The following NTNG1 variants were observed in gnomAD, a reference collection of about 807,000 sequenced individuals.
NTNG1 encodes the protein netrin G1.
In NTNG1, 16 loss-of-function variants were observed where a neutral mutation model predicts 54.0. The observed-to-expected ratio is 0.30, with a 90% CI of 0.20 to 0.45. The LOEUF is 0.45. Among genes scored for constraint, NTNG1 ranks in the 20% least tolerant of loss-of-function variants. The probability of loss-of-function intolerance (pLI) is 1.00; values close to 1 mark genes in which losing one functional copy is unlikely to be tolerated. For synonymous variants in NTNG1, 255 were observed against 263.1 expected, an observed-to-expected ratio of 0.97 and a Z score of 0.30; for missense variants, 530 against 678.7, an observed-to-expected ratio of 0.78 and a Z score of 2.43.
chr1:107,424,536 G>T (rs1229602998), intron 5 of NTNG1, among the ~76,000 whole-genome samples: 1 of 152,130 alleles, frequency 6.6e-6, no homozygotes. Flanking sequence ...GAGGCCAGAA[G>T]AACAGTTTGG....
At chr1:107,296,685 T>C (rs1665960701) in intron 2 of NTNG1, among the ~76,000 whole-genome samples, 1 of 147,974 alleles carries the variant, frequency 6.8e-6, no homozygotes, top group African/African-American at 2.5e-5. Flanking sequence ...TTATACATTA[T>C]ATATACTAAT....
At chr1:107,412,580 A>G (rs1673894077) in intron 5 of NTNG1, among the ~76,000 whole-genome samples, 1 of 152,146 alleles carries the variant, frequency 6.6e-6, no homozygotes, top group Non-Finnish European at 1.5e-5. Context: ...TGTGCCTTAG[A>G]AGACCTGTTG....
intron 2 of NTNG1, among the ~76,000 whole-genome samples, chr1:107,309,384 G>A (rs1196523089): frequency 6.6e-6 from 1 of 152,164 alleles, no homozygotes; most frequent in Non-Finnish European, 1.5e-5. Context: ...AGTGACTCAT[G>A]CAGCAGATAC....
chr1:107,145,437 T>C lies in NTNG1; in HGVS notation c.-525-2632T>C, dbSNP rs1570698278. Among the ~76,000 whole-genome samples the C allele has an allele frequency of 2.6e-5, 4 of 152,006 alleles. No individual in the cohort carries two copies. In the Middle Eastern group the frequency reaches 0.014, roughly 521 times the overall value. On this transcript the variant is annotated intron_variant, in intron 1 of 7. Transcript: ENST00000370068. ...CCCTGAAATGCAGGATACATAACAA[T>C]AGTACAAATATAAAAATTAGAATGA...
At chr1:107,455,979 C>T (rs1279312969) in intron 7 of NTNG1, among the ~76,000 whole-genome samples, 2 of 152,202 alleles carry the variant, frequency 1.3e-5, no homozygotes, top group Non-Finnish European at 2.9e-5. Context: ...AGAGGTGCCA[C>T]GAAATAATCC....
At chr1:107,334,362 A>G (rs1668454249) in intron 3 of NTNG1, among the ~76,000 whole-genome samples, 1 of 151,956 alleles carries the variant, frequency 6.6e-6, no homozygotes, top group African/African-American at 2.4e-5. Context: ...TGCTAACAGA[A>G]TATCAGGGAA....
At chr1:107,446,052 C>A (rs1676288549) in intron 7 of NTNG1, among the ~76,000 whole-genome samples, 2 of 151,936 alleles carry the variant, frequency 1.3e-5, no homozygotes, top group South Asian at 4.2e-4. Flanking sequence ...AAACAGAGGA[C>A]CAGTTAAATA....
chr1:107,430,115 C>G (rs1235882501), intron 5 of NTNG1, among the ~76,000 whole-genome samples: 1 of 152,104 alleles, frequency 6.6e-6, no homozygotes, highest in African/African-American at 2.4e-5. Flanking sequence ...TTTTTGTCTT[C>G]TCTCACACAT....
At chr1:107,202,136 A>G (rs1052715017) in intron 2 of NTNG1, among the ~76,000 whole-genome samples, 1 of 151,144 alleles carries the variant, frequency 6.6e-6, no homozygotes, top group Non-Finnish European at 1.5e-5. Context: ...TTGCCTTTTC[A>G]TGTAATTTTG....
intron 2 of NTNG1, among the ~76,000 whole-genome samples, chr1:107,157,672 G>T (rs75400763): frequency 7.9e-5 from 12 of 152,036 alleles, no homozygotes; most frequent in African/African-American, 2.9e-4. Context: ...TTTTAAAGAT[G>T]CATTTATTGA....
intron 2 of NTNG1, among the ~76,000 whole-genome samples, chr1:107,318,223 G>A (rs4463701): frequency 0.036 from 5,422 of 152,076 alleles, 307 homozygotes; most frequent in African/African-American, 0.12. Flanking sequence ...GACCTGTCCC[G>A]CCTGGGACAT....
intron 2 of NTNG1, among the ~76,000 whole-genome samples, chr1:107,293,004 C>T (rs1468759167): frequency 1.3e-5 from 2 of 152,126 alleles, no homozygotes; most frequent in African/African-American, 4.8e-5. Flanking sequence ...TGAATTCTTT[C>T]TTCTAAGGAA....
intron 7 of NTNG1, among the ~76,000 whole-genome samples, chr1:107,472,171 A>C (rs965746630): frequency 6.6e-6 from 1 of 152,152 alleles, no homozygotes; most frequent in South Asian, 2.1e-4. Context: ...GTATGAGGGA[A>C]AAAACTATCC....
At chr1:107,356,695 T>C (rs1669955408) in intron 3 of NTNG1, among the ~76,000 whole-genome samples, 2 of 152,074 alleles carry the variant, frequency 1.3e-5, no homozygotes, top group African/African-American at 4.8e-5. Flanking sequence ...AAACGTATTG[T>C]ATCCTTTGGG....
At chr1:107,333,570 G>A (rs374784541) in intron 3 of NTNG1, among the ~76,000 whole-genome samples, 16 of 151,944 alleles carry the variant, frequency 1.1e-4, no homozygotes, top group South Asian at 2.1e-4. Flanking sequence ...ACTAGTATTC[G>A]CAGAACTCTT....
At chr1:107,452,133 AACT>A (rs1341310865) in intron 7 of NTNG1, among the ~76,000 whole-genome samples, 11 of 152,148 alleles carry the variant, frequency 7.2e-5, no homozygotes, top group African/African-American at 2.7e-4. Context: ...AATGCTTGTA[AACT>A]ACTAAGCACA....
intron 2 of NTNG1, among the ~76,000 whole-genome samples, chr1:107,262,903 A>T (rs528447074): frequency 6.6e-6 from 1 of 152,336 alleles, no homozygotes; most frequent in African/African-American, 2.4e-5. Flanking sequence ...CTTAGCCGTG[A>T]ACATCTGTAA....
intron 3 of NTNG1, among the ~76,000 whole-genome samples, chr1:107,351,710 T>C (rs1669608644): frequency 6.6e-6 from 1 of 152,202 alleles, no homozygotes; most frequent in Non-Finnish European, 1.5e-5. Flanking sequence ...TATATAATCA[T>C]GCCTTCCCAG....
At chr1:107,402,188 T>C (rs1233700472) in intron 4 of NTNG1, among the ~76,000 whole-genome samples, 2 of 152,164 alleles carry the variant, frequency 1.3e-5, no homozygotes, top group African/African-American at 2.4e-5. Flanking sequence ...ATTAAGTCTA[T>C]GTGCAGAGCC....
Sources: allele counts gnomAD v4.1 joint callset (sites outside exome capture counted in the v4.1 genomes callset), GRCh38; gene constraint gnomAD v4.1.1; transcripts MANE v1.5; gene names NCBI Gene and HGNC (gene_info 2026-07-23, HGNC 2026-07-21).